Variants in SLC24A2 observed in about 807,000 individuals in gnomAD.
SLC24A2 encodes the protein sodium/potassium/calcium exchanger 2.
In SLC24A2, 36 loss-of-function variants were observed where a neutral mutation model predicts 62.0. That is an observed-to-expected ratio of 0.58 (90% CI 0.44 to 0.77). The LOEUF (loss-of-function observed/expected upper bound fraction) is 0.77. Among genes scored for constraint, SLC24A2 ranks in the 30% least tolerant of loss-of-function variants. The pLI, the probability that SLC24A2 is intolerant of heterozygous loss-of-function variation, is 0.00. For missense variants in SLC24A2, 846 were observed against 817.9 expected, an observed-to-expected ratio of 1.03 and a Z score of -0.42; for synonymous variants, 358 against 294.0, an observed-to-expected ratio of 1.22 and a Z score of -2.23.
chr9:20,168,814 T>C, the SLC24A2 span, among the ~76,000 whole-genome samples: 69 of 152,134 alleles, frequency 4.5e-4, no homozygotes, highest in Non-Finnish European at 7.7e-4. Context: ...CAAAAAGTTA[T>C]AGAACTACCA....
At chr9:19,875,760 C>A in the SLC24A2 span, among the ~76,000 whole-genome samples, 1 of 152,322 alleles carries the variant, frequency 6.6e-6, no homozygotes, top group Non-Finnish European at 1.5e-5. Context: ...TGATGAACAG[C>A]TGCCAATTCT....
At chr9:20,047,974 T>C in the SLC24A2 span, among the ~76,000 whole-genome samples, 21 of 152,120 alleles carry the variant, frequency 1.4e-4, no homozygotes, top group Non-Finnish European at 4.4e-5. Flanking sequence ...TTGAAGTTAA[T>C]ATGGGAAGCC....
the SLC24A2 span, among the ~76,000 whole-genome samples, chr9:19,900,435 A>G: frequency 2.0e-5 from 3 of 151,958 alleles, no homozygotes; most frequent in African/African-American, 4.8e-5. Flanking sequence ...CCTCTTCCCT[A>G]CTCGCCTATT....
chr9:20,164,755 C>G, the SLC24A2 span, among the ~76,000 whole-genome samples: 2 of 151,584 alleles, frequency 1.3e-5, no homozygotes, highest in Non-Finnish European at 2.9e-5. Flanking sequence ...CAATGATAGA[C>G]TGGATTAAGA....
At chr9:20,101,744 TG>T in the SLC24A2 span, among the ~76,000 whole-genome samples, 1 of 151,862 alleles carries the variant, frequency 6.6e-6, no homozygotes, top group Non-Finnish European at 1.5e-5. Context: ...CTGAAAAAAA[TG>T]TTTTTTTTAA....
the SLC24A2 span, among the ~76,000 whole-genome samples, chr9:19,969,183 C>CCACACACACACACACA: frequency 0.015 from 1,795 of 122,216 alleles, 45 homozygotes; most frequent in Admixed American, 0.031. Context: ...ACCTCCTTTG[C>CCACACACACACACACA]CACACACACA....
At chr9:19,646,594 C>A (rs1423116613) in intron 2 of SLC24A2, among the ~76,000 whole-genome samples, 1 of 152,156 alleles carries the variant, frequency 6.6e-6, no homozygotes, top group East Asian at 1.9e-4. Flanking sequence ...CATACTGATT[C>A]ACCAGAAAGA....
the SLC24A2 span, among the ~76,000 whole-genome samples, chr9:20,233,628 A>G: frequency 3.3e-5 from 5 of 152,158 alleles, no homozygotes; most frequent in Non-Finnish European, 5.9e-5. Flanking sequence ...GTCTCTGCAC[A>G]TGAGATGGGT....
At chr9:19,979,629 T>C in the SLC24A2 span, among the ~76,000 whole-genome samples, 1 of 152,094 alleles carries the variant, frequency 6.6e-6, no homozygotes, top group African/African-American at 2.4e-5. Flanking sequence ...TCTCTACAAA[T>C]GGCCTTGCTC....
At chr9:20,293,437 G>A in the SLC24A2 span, among the ~76,000 whole-genome samples, 4 of 152,124 alleles carry the variant, frequency 2.6e-5, no homozygotes, top group Non-Finnish European at 4.4e-5. Flanking sequence ...GTCATTGTAG[G>A]GAACCCCTAT....
chr9:19,706,843 GA>G (rs1820541327), intron 2 of SLC24A2, among the ~76,000 whole-genome samples: 1 of 151,930 alleles, frequency 6.6e-6, no homozygotes, highest in African/African-American at 2.4e-5. Context: ...ACAATTAAAA[GA>G]ACTAGAAAAG....
At chr9:19,707,838 C>A (rs566901386) in intron 2 of SLC24A2, among the ~76,000 whole-genome samples, 3 of 152,246 alleles carry the variant, frequency 2.0e-5, no homozygotes, top group African/African-American at 4.8e-5. Flanking sequence ...CCTTTGAAAG[C>A]TGGCACAAGA....
the SLC24A2 span, among the ~76,000 whole-genome samples, chr9:20,188,303 C>G: frequency 6.7e-4 from 102 of 152,274 alleles, no homozygotes; most frequent in South Asian, 3.5e-3. Flanking sequence ...TTCCTTAGCT[C>G]ACTTTCTGAG....
intron 8 of SLC24A2, among the ~76,000 whole-genome samples, chr9:19,541,863 G>T (rs984535766): frequency 6.6e-6 from 1 of 151,814 alleles, no homozygotes; most frequent in African/African-American, 2.4e-5. Flanking sequence ...GCGAGATTCC[G>T]TGGGCGTAGG....
chr9:20,269,296 G>A, the SLC24A2 span, among the ~76,000 whole-genome samples: 5 of 152,266 alleles, frequency 3.3e-5, no homozygotes, highest in African/African-American at 1.2e-4. Flanking sequence ...GTATAGGTAA[G>A]AAAAGGAGAC....
At position 19,636,315 on chromosome 9, in the gene SLC24A2, T is replaced by TTTTCTTTCTTTC. The variant is rs72137164; in HGVS notation, c.931-14028_931-14017dup. Among the ~76,000 whole-genome samples the TTTTCTTTCTTTC allele has an allele frequency of 2.4e-3, 97 of 40,026 alleles. 2 individuals are homozygous for TTTTCTTTCTTTC. Among genetic ancestry groups the TTTTCTTTCTTTC allele is most frequent in the Middle Eastern group, 0.015 (1 of 68 alleles). 26.3% of individuals were successfully genotyped at this position (40,026 alleles called of 152,430 possible). On this transcript the variant is annotated intron_variant, in intron 2 of 10. Coordinates refer to ENST00000341998, the MANE Select transcript of SLC24A2 (RefSeq NM_020344.4). Reference sequence around the variant, plus strand: ...TTTTCTTTTCTTTTCTTTTCTTTTCTTTTCTTTCTTTCTTTCTTTCTTTCT... The same window carrying TTTTCTTTCTTTC: ...TTTTCTTTTCTTTTCTTTTCTTTTCTTTTCTTTCTTTCTTTCTTTCTTTCTTTCTTTCTTTCT...
chr9:19,998,862 T>G, the SLC24A2 span, among the ~76,000 whole-genome samples: 1 of 152,214 alleles, frequency 6.6e-6, no homozygotes, highest in Non-Finnish European at 1.5e-5. Context: ...TCCTCCTTCA[T>G]GTTCAACGGC....
At chr9:20,133,934 T>C in the SLC24A2 span, among the ~76,000 whole-genome samples, 1 of 152,190 alleles carries the variant, frequency 6.6e-6, no homozygotes, top group African/African-American at 2.4e-5. Flanking sequence ...TTTGAATCTT[T>C]CCTGTTTTGA....
chr9:20,089,778 T>G, the SLC24A2 span, among the ~76,000 whole-genome samples: 1 of 146,730 alleles, frequency 6.8e-6, no homozygotes, highest in African/African-American at 2.5e-5. Flanking sequence ...CACCCCACAG[T>G]CACCAGAACT....
Sources: allele counts gnomAD v4.1 joint callset (sites outside exome capture counted in the v4.1 genomes callset), GRCh38; gene constraint gnomAD v4.1.1; transcripts MANE v1.5; gene names NCBI Gene and HGNC (gene_info 2026-07-23, HGNC 2026-07-21).